The following AGAP5 variants were observed in gnomAD, a reference collection of about 807,000 sequenced individuals.
AGAP5 encodes the protein ArfGAP with GTPase domain, ankyrin repeat and PH domain 5, also known as arf-GAP with GTPase, ANK repeat and PH domain-containing protein 5.
A neutral mutation model predicts 27.7 loss-of-function variants in AGAP5; 8 were observed. The observed-to-expected ratio is 0.29, with a 90% CI of 0.17 to 0.52. AGAP5 has a LOEUF of 0.52. Among genes scored for constraint, AGAP5 ranks in the 20% least tolerant of loss-of-function variants. The pLI is 0.97. For synonymous variants in AGAP5, 111 were observed against 338.0 expected, an observed-to-expected ratio of 0.33 and a Z score of 7.37; for missense variants, 285 against 880.8, an observed-to-expected ratio of 0.32 and a Z score of 8.56.
At chr10:73,676,193 A>C in intron 7 of AGAP5, 119 bp from the exon 8 acceptor site, 3 of 1,517,968 alleles carry the variant, frequency 2.0e-6, no homozygotes, top group Non-Finnish European at 2.6e-6. Context: ...ATGGTGGCTC[A>C]CACCTGTAAT....
chr10:73,693,375 A>T (rs1031911460), intron 3 of AGAP5, among the ~76,000 whole-genome samples: 1 of 152,114 alleles, frequency 6.6e-6, no homozygotes, highest in Non-Finnish European at 1.5e-5. Context: ...CCATGGTAAA[A>T]AGCAAATTCT....
At chr10:73,690,006 G>A (rs777042703) in intron 4 of AGAP5, among the ~76,000 whole-genome samples, 71 of 151,432 alleles carry the variant, frequency 4.7e-4, no homozygotes, top group Middle Eastern at 3.5e-3. Context: ...CCCCCGCCTG[G>A]CCAGCCGCCC....
Position 73,694,625 on chromosome 10 carries a change from T to G in AGAP5, c.361+111A>C, listed in dbSNP as rs1316023929. The G allele has an allele frequency of 7.5e-6, 12 of 1,590,110 alleles. No individual in the cohort carries two copies. The East Asian group carries it at 2.7e-4, about 36-fold the overall frequency. ...TATTAAAATAAGACAAGTGAACATG[T>G]GAAAGGGTGAAAAATTTAAACCAAT... On this transcript the variant is annotated intron_variant, in intron 3 of 7. Coordinates refer to ENST00000374094, the MANE Select transcript of AGAP5 (RefSeq NM_001144000.4).
intron 2 of AGAP5, among the ~76,000 whole-genome samples, chr10:73,696,066 G>A (rs1386617472): frequency 6.6e-6 from 1 of 152,000 alleles, no homozygotes; most frequent in African/African-American, 2.4e-5. Flanking sequence ...AGGCTGGAGT[G>A]CATTGGCGTG....
rs757416068 is a variant in AGAP5, at chr10:73,674,805, A to G, written c.1855T>C (p.Cys619Arg). The G allele has an allele frequency of 1.9e-6, 3 of 1,611,670 alleles. No homozygotes were observed. Among genetic ancestry groups the G allele is most frequent in the South Asian group, 1.1e-5 (1 of 90,974 alleles). ...HGSREEVNET[C>R]GEGDGCTALH... Reference sequence around the variant, plus strand: ...GCCGTGCAGCCGTCTCCCTCCCCACAGGTCTCGTTCACCTCCTCACGGGAG... The same window carrying G: ...GCCGTGCAGCCGTCTCCCTCCCCACGGGTCTCGTTCACCTCCTCACGGGAG... The change falls in exon 8 of 8, where the codon TGT (cysteine) becomes CGT (arginine). Residue 619 changes from cysteine to arginine, a missense_variant. By Grantham distance (180) the Cys-to-Arg change is radical (BLOSUM62 -3). Coordinates refer to ENST00000374094, the MANE Select transcript of AGAP5 (RefSeq NM_001144000.4).
chr10:73,697,494 A>G, intron 1 of AGAP5, 39 bp downstream of exon 1: 1 of 1,608,764 alleles, frequency 6.2e-7, no homozygotes, highest in Non-Finnish European at 8.5e-7. Context: ...CAGCAGCCAG[A>G]GGCAAACCGA....
At chr10:73,687,824 T>C (rs147790633) in intron 4 of AGAP5, among the ~76,000 whole-genome samples, 22,480 of 152,090 alleles carry the variant, frequency 0.15, 1,716 homozygotes, top group South Asian at 0.19. Context: ...CACAGAAGGT[T>C]GACAGAGATA....
chr10:73,685,494 T>C (rs534520542), intron 4 of AGAP5, among the ~76,000 whole-genome samples: 1 of 152,222 alleles, frequency 6.6e-6, no homozygotes, highest in South Asian at 2.1e-4. Context: ...TATTGACTTG[T>C]GTATGTTAAT....
chr10:73,678,205 G>A (rs2081995832), intron 6 of AGAP5, among the ~76,000 whole-genome samples: 1 of 152,200 alleles, frequency 6.6e-6, no homozygotes, highest in Non-Finnish European at 1.5e-5. Context: ...ACCAGCCTAG[G>A]CAACGTAACG....
Position 73,689,850 on chromosome 10 carries a change from G to C in AGAP5, c.396+2193C>G, listed in dbSNP as rs1398478133. Among the ~76,000 whole-genome samples, 148 of 151,200 alleles carry C rather than the reference G, an allele frequency of 9.8e-4. 1 individual carries two copies. The highest frequency in any genetic ancestry group is 6.1e-3 in the Admixed American group (93 of 15,222). On this transcript the variant is annotated intron_variant, in intron 4 of 7. Transcript: ENST00000374094. The stretch of plus-strand genomic sequence containing the variant: ...CGCCTGGCAGCCACCCCATCCAGGA[G>C]GGAGGTGGGGGGGGTCAGCCCCCCG...
intron 4 of AGAP5, among the ~76,000 whole-genome samples, chr10:73,683,350 C>A (rs2132446759): frequency 3.1e-5 from 1 of 32,176 alleles, no homozygotes; most frequent in Non-Finnish European, 7.9e-5. Context: ...GAGACTCCGT[C>A]TCAAAAAAAA....
intron 4 of AGAP5, among the ~76,000 whole-genome samples, chr10:73,690,287 C>T (rs2132456054): frequency 6.6e-6 from 1 of 152,304 alleles, no homozygotes; most frequent in Non-Finnish European, 1.5e-5. Context: ...GCCTTGGGAT[C>T]CTGTTGATCT....
At chr10:73,693,341 C>T (rs1162014523) in intron 3 of AGAP5, among the ~76,000 whole-genome samples, 2 of 152,146 alleles carry the variant, frequency 1.3e-5, no homozygotes, top group African/African-American at 4.8e-5. Context: ...CAGTGGATTC[C>T]TTATGAATGG....
chr10:73,697,767 A>G lies in AGAP5; in HGVS notation c.-12T>C, dbSNP rs778734232. 1.9e-6 allele frequency: 3 copies of G among 1,597,306 alleles called. No individual in the cohort carries two copies. The African/African-American group carries it at 4.0e-5, about 21-fold the overall frequency. On this transcript the variant is annotated 5_prime_UTR_variant, in exon 1 of 8. Coordinates refer to ENST00000374094, the MANE Select transcript of AGAP5 (RefSeq NM_001144000.4). ...AGTATGTTCCCCATGGGGCGCCTCT[A>G]CTGTCTGCCACCACCTGTGCCTCTG...
In AGAP5 at chr10:73,674,335, T is replaced by C. The variant is rs982776345; in HGVS notation, c.*264A>G. 1.5e-6 allele frequency: 1 copy of C among 677,428 alleles called. No homozygotes were observed. Among genetic ancestry groups the C allele is most frequent in the African/African-American group, 1.8e-5 (1 of 55,106 alleles). 42.0% of individuals were successfully genotyped at this position (677,428 alleles called of 1,614,324 possible). On this transcript the variant is annotated 3_prime_UTR_variant, in exon 8 of 8. Coordinates refer to ENST00000374094, the MANE Select transcript of AGAP5 (RefSeq NM_001144000.4). ...TTCAAATATATTTTCACACATTTTA[T>C]CTAAATACATAATACAGAAGCCTGT... is the stretch of plus-strand genomic sequence containing the variant.
rs200641661 is a variant in AGAP5 at position 73,698,053 on chromosome 10, A to G, written c.-298T>C. 1.6e-3 allele frequency: 2,177 copies of G among 1,373,954 alleles called. 51 individuals are homozygous for G. In the East Asian group the frequency reaches 0.045, roughly 29 times the overall value. The allele number at this position is 1,373,954 out of a possible 1,614,324, so 85.1% of individuals were successfully genotyped here. ...CCAACAAGCGCTGAGAGACACAACA[A>G]CTGCCTGAAGAGAGAACAGACGGAG... is the stretch of plus-strand genomic sequence containing the variant. On this transcript the variant is annotated 5_prime_UTR_variant, in exon 1 of 8. Transcript: ENST00000374094.
At chr10:73,681,892 C>T in intron 5 of AGAP5, 1 of 918,230 alleles carries the variant, frequency 1.1e-6, no homozygotes, top group Non-Finnish European at 1.3e-6. Context: ...AACACAATTT[C>T]CTCTCAACTA....
At chr10:73,690,370 G>A (rs1238069048) in intron 4 of AGAP5, among the ~76,000 whole-genome samples, 4 of 152,112 alleles carry the variant, frequency 2.6e-5, no homozygotes, top group Non-Finnish European at 4.4e-5. Flanking sequence ...GATTAAGGGC[G>A]GTGCCAAGAT....
In AGAP5 at chr10:73,691,749, C is replaced by G. The variant is rs1422228985; in HGVS notation, c.396+294G>C. On this transcript the variant is annotated intron_variant, in intron 4 of 7. Transcript: ENST00000374094. ...TCAGATGATCAGCCTGCCTCGGCCT[C>G]CTAAAGTGCTGTGATTATAGACGTT... Among the ~76,000 whole-genome samples the G allele has an allele frequency of 2.0e-5, 3 of 152,162 alleles. No individual in the cohort carries two copies. In the East Asian group the frequency reaches 5.8e-4, roughly 29 times the overall value.
Sources: gnomAD v4.1 joint callset for allele counts (sites outside exome capture counted in the v4.1 genomes callset) on GRCh38, gnomAD v4.1.1 for gene constraint, MANE v1.5 for transcripts, NCBI Gene and HGNC (gene_info 2026-07-23, HGNC 2026-07-21) for gene names.